Variants in GRIK5 observed in about 807,000 individuals in gnomAD.
GRIK5 encodes the protein glutamate receptor ionotropic, kainate 5.
Under a neutral mutation model 97.4 loss-of-function variants are expected in GRIK5, and 43 were observed. The ratio of observed to expected loss-of-function variants is 0.44; its 90% CI spans 0.35 to 0.57. The LOEUF (loss-of-function observed/expected upper bound fraction) is 0.57. Ranked by LOEUF, GRIK5 falls within the 20% of genes least tolerant of loss-of-function variation. GRIK5 has a pLI of 0.01. For synonymous variants in GRIK5, 580 were observed against 583.5 expected (o/e 0.99, Z 0.09); for missense variants, 1,015 against 1,382.0 (o/e 0.73, Z 4.21).
chr19:42,011,126 C>CAG (rs2075556559), intron 15 of GRIK5, among the ~76,000 whole-genome samples: 1 of 151,510 alleles, frequency 6.6e-6, no homozygotes, highest in Non-Finnish European at 1.5e-5. Context: ...AACACACACA[C>CAG]ACACACACAC....
chr19:42,018,848 C>G (rs889607373), intron 15 of GRIK5, among the ~76,000 whole-genome samples: 1 of 152,016 alleles, frequency 6.6e-6, no homozygotes, highest in African/African-American at 2.4e-5. Flanking sequence ...GGCAAGTCCT[C>G]GAGGGTGATG....
At chr19:42,024,871 C>G (rs948104214) in intron 12 of GRIK5, among the ~76,000 whole-genome samples, 2 of 152,190 alleles carry the variant, frequency 1.3e-5, no homozygotes, top group Non-Finnish European at 2.9e-5. Flanking sequence ...TCATGGACCC[C>G]CACTCCCTGG....
chr19:42,053,812 T>C lies in GRIK5; in HGVS notation c.1161+13A>G. 2 of 1,593,608 alleles carry C rather than the reference T, an allele frequency of 1.3e-6. No homozygotes were observed. Among genetic ancestry groups the C allele is most frequent in the Non-Finnish European group, 1.7e-6 (2 of 1,161,286 alleles). The stretch of plus-strand genomic sequence containing the variant: ...CCCCAGCAGGGCTCTGGCGTCACCC[T>C]GGGTCTGCTCACCTCACGGTGGCCC... On this transcript the variant is annotated intron_variant, in intron 10 of 19. Coordinates refer to ENST00000593562, the MANE Select transcript of GRIK5 (RefSeq NM_002088.5).
intron 15 of GRIK5, among the ~76,000 whole-genome samples, chr19:42,007,635 AT>A (rs2075508478): frequency 1.3e-5 from 2 of 152,134 alleles, no homozygotes; most frequent in African/African-American, 4.8e-5. Context: ...GAGAGGGAGG[AT>A]TCAGAAACCG....
At position 42,059,835 on chromosome 19, in the gene GRIK5, C is replaced by G. The variant is rs555407572; in HGVS notation, c.509-308G>C. ...CCTTGCTCAACCACCACGGCTTCCC[C>G]ATGTTGGTGAACAGCATCTCTAGTG... On this transcript the variant is annotated intron_variant, in intron 5 of 19. Coordinates refer to ENST00000593562, the MANE Select transcript of GRIK5 (RefSeq NM_002088.5). 1.4e-3 allele frequency among the ~76,000 whole-genome samples: 209 copies of G among 152,246 alleles called. 1 individual carries two copies. The highest frequency in any genetic ancestry group is 4.8e-3 in the African/African-American group (200 of 41,546).
At chr19:42,032,875 CCCTCCAACAG>C (rs2075855773) in intron 12 of GRIK5, among the ~76,000 whole-genome samples, 1 of 152,230 alleles carries the variant, frequency 6.6e-6, no homozygotes. Flanking sequence ...CTCATCCACA[CCCTCCAACAG>C]CCTCCTAAAT....
chr19:42,005,673 G>T, intron 17 of GRIK5, 50 bp downstream of exon 17: 1 of 1,380,850 alleles, frequency 7.2e-7, no homozygotes, highest in Non-Finnish European at 1.0e-6. Flanking sequence ...CTCACAGGTG[G>T]TTTTGGATGC....
rs2076324022 is a variant in GRIK5 at position 42,065,802 on chromosome 19, C to T, written c.-32G>A. The T allele has an allele frequency of 2.0e-6, 3 of 1,524,596 alleles. No individual in the cohort carries two copies. Among genetic ancestry groups the T allele is most frequent in the South Asian group, 1.2e-5 (1 of 83,904 alleles). The allele number at this position is 1,524,596 out of a possible 1,614,324, so 94.4% of individuals were successfully genotyped here. Reference sequence around the variant, plus strand: ...CCCCTCCTCATGGGGACGCAGCTGCCGCGGCCCCCACTCGCCACCTGCAGG... The same window carrying T: ...CCCCTCCTCATGGGGACGCAGCTGCTGCGGCCCCCACTCGCCACCTGCAGG... On this transcript the variant is annotated 5_prime_UTR_variant, in exon 2 of 20. Coordinates refer to ENST00000593562, the MANE Select transcript of GRIK5 (RefSeq NM_002088.5). This position sits in a 1 kb window ranked among gnomAD's most constrained non-coding sequence, Gnocchi z 5.8.
rs746007697 is a variant in GRIK5, at chr19:42,062,844, A to T, written c.256T>A (p.Leu86Ile). Residue 86 changes from leucine (L) to isoleucine (I), a missense_variant, in exon 4 of 20, where the codon TTA becomes ATA. Physicochemically the swap from Leu to Ile is conservative, Grantham distance 5. This residue lies in a region of GRIK5 where 198 missense variants were observed against 218.2 expected (regional missense o/e 0.91). Transcript: ENST00000593562. This position sits in a 1 kb window ranked among gnomAD's most constrained non-coding sequence, Gnocchi z 5.3. ...YETTDTMCQI[L>I]PKGVVSVLGP... ...AGGACAGACACAACCCCTTTGGGTA[A>T]GATCTGACACACTGCGTGGGAAGGG... 35 of 1,612,982 alleles carry T rather than the reference A, an allele frequency of 2.2e-5. No homozygotes were observed. The East Asian group carries it at 7.6e-4, about 35-fold the overall frequency.
In GRIK5 at chr19:42,022,943, A is replaced by C. The variant is rs375652782; in HGVS notation, c.1474-589T>G. On this transcript the variant is annotated intron_variant, in intron 12 of 19. Transcript: ENST00000593562. This position sits in a 1 kb window ranked among gnomAD's most constrained non-coding sequence, Gnocchi z 4.2. ...CACTGGTACCAAAGCACAACCCTGG[A>C]TGAAGGAGGGATGGCCCAGGCCCAA... 1.2e-4 allele frequency among the ~76,000 whole-genome samples: 18 copies of C among 152,156 alleles called. 1 individual carries two copies. The highest frequency in any genetic ancestry group is 4.3e-4 in the African/African-American group (18 of 41,516).
intron 11 of GRIK5, among the ~76,000 whole-genome samples, chr19:42,050,451 A>T (rs1310618974): frequency 6.6e-6 from 1 of 151,926 alleles, no homozygotes; most frequent in Non-Finnish European, 1.5e-5. Flanking sequence ...CGAGGTCAGG[A>T]GATCAAGACC....
At chr19:42,041,190 G>A (rs1039119920) in intron 12 of GRIK5, among the ~76,000 whole-genome samples, 3 of 152,212 alleles carry the variant, frequency 2.0e-5, no homozygotes, top group Non-Finnish European at 1.5e-5. Flanking sequence ...ATGTTCAGGG[G>A]GTTGGATGCT....
At position 42,056,922 on chromosome 19, in the gene GRIK5, C is replaced by T; in HGVS notation, c.741+3G>A. On this transcript the variant is annotated splice_donor_region_variant and intron_variant, in intron 7 of 19. Transcript: ENST00000593562. ...GCAGAGATGGGCCAGAGGGCATACA[C>T]ACCATGGTGGTGAGGATGTACTTGT... 6.3e-7 allele frequency: 1 copy of T among 1,592,588 alleles called. No homozygotes were observed. Among genetic ancestry groups the T allele is most frequent in the Non-Finnish European group, 8.6e-7 (1 of 1,169,108 alleles).
At chr19:42,048,863 AC>A (rs1200971268) in intron 11 of GRIK5, among the ~76,000 whole-genome samples, 1 of 151,656 alleles carries the variant, frequency 6.6e-6, no homozygotes, top group Non-Finnish European at 1.5e-5. Flanking sequence ...ACATGGTAAA[AC>A]CCTGTCAATT....
intron 11 of GRIK5, among the ~76,000 whole-genome samples, chr19:42,043,893 G>A (rs1450015533): frequency 1.3e-5 from 2 of 152,128 alleles, no homozygotes; most frequent in African/African-American, 2.4e-5. Flanking sequence ...CTGGGCAACT[G>A]AGCAACTCTG....
Position 42,053,942 on chromosome 19 carries a change from G to A in GRIK5, c.1057-13C>T, listed in dbSNP as rs2076148615. On this transcript the variant is annotated splice_polypyrimidine_tract_variant and intron_variant, in intron 9 of 19. Coordinates refer to ENST00000593562, the MANE Select transcript of GRIK5 (RefSeq NM_002088.5). ...CATCATACTCTACCTGGCAGGGTGG[G>A]GAGGTGGGGCAGAGGGAGAGTGCAG... 2 of 1,587,502 alleles carry A rather than the reference G, an allele frequency of 1.3e-6. No homozygotes were observed. Among genetic ancestry groups the A allele is most frequent in the Non-Finnish European group, 1.7e-6 (2 of 1,156,070 alleles).
chr19:42,006,788 T>A lies in GRIK5; in HGVS notation c.1894A>T (p.Ile632Phe). Residue 632 changes from isoleucine to phenylalanine, a missense_variant, in exon 16 of 20, where the codon ATC (isoleucine) becomes TTC (phenylalanine). Physicochemically the swap from Ile to Phe is conservative, Grantham distance 21. Coordinates refer to ENST00000593562, the MANE Select transcript of GRIK5 (RefSeq NM_002088.5). This position sits in a 1 kb window ranked among gnomAD's most constrained non-coding sequence, Gnocchi z 5.3. ...GVWWAFTLII[I>F]SSYTANLAAF... ...GCCAGGTTGGCCGTGTAGGAGGAGA[T>A]GATGATCAAGGTGAAGGCCCACCTG... 1 of 1,610,054 alleles carries A rather than the reference T, an allele frequency of 6.2e-7. No homozygotes were observed. Among genetic ancestry groups the A allele is most frequent in the Non-Finnish European group, 8.5e-7 (1 of 1,177,754 alleles).
chr19:42,019,554 T>C (rs1481252152), intron 15 of GRIK5, among the ~76,000 whole-genome samples: 1 of 152,192 alleles, frequency 6.6e-6, no homozygotes, highest in Non-Finnish European at 1.5e-5. Context: ...CACATGAAGA[T>C]GTGACCTTAC....
At chr19:42,036,753 T>C (rs1366309944) in intron 12 of GRIK5, among the ~76,000 whole-genome samples, 2 of 152,204 alleles carry the variant, frequency 1.3e-5, no homozygotes, top group Admixed American at 1.3e-4. Context: ...ACTAATTTAC[T>C]AGAAACCTGC....
Sources: gnomAD v4.1 joint callset for allele counts (sites outside exome capture counted in the v4.1 genomes callset) on GRCh38, gnomAD v4.1.1 for gene constraint, gnomAD v4.1.1 regional missense constraint, Gnocchi (gnomAD v3.1) non-coding constraint, MANE v1.5 for transcripts, NCBI Gene and HGNC (gene_info 2026-07-23, HGNC 2026-07-21) for gene names.